The following SRGAP1 variants were observed in gnomAD, a reference collection of about 807,000 sequenced individuals.
The protein encoded by SRGAP1 is SLIT-ROBO Rho GTPase-activating protein 1.
Under a neutral mutation model 121.9 loss-of-function variants are expected in SRGAP1, and 43 were observed. The ratio of observed to expected loss-of-function variants is 0.35; its 90% CI spans 0.28 to 0.46. The LOEUF (loss-of-function observed/expected upper bound fraction) is 0.46. SRGAP1 is among the 20% of genes least tolerant of loss of function. The pLI is 1.00. For synonymous variants in SRGAP1, 447 were observed against 485.4 expected, an observed-to-expected ratio of 0.92 and a Z score of 1.04; for missense variants, 1,102 against 1,350.9, an observed-to-expected ratio of 0.82 and a Z score of 2.89.
chr12:64,082,384 A>C (rs1384188258), intron 10 of SRGAP1, among the ~76,000 whole-genome samples: 1 of 152,036 alleles, frequency 6.6e-6, no homozygotes, highest in Non-Finnish European at 1.5e-5. Flanking sequence ...CCACATGCCA[A>C]ATTCCGTCTT....
intron 1 of SRGAP1, among the ~76,000 whole-genome samples, chr12:63,936,308 G>A (rs959886606): frequency 1.3e-5 from 2 of 152,132 alleles, no homozygotes; most frequent in Admixed American, 6.5e-5. Context: ...GGTTATTACT[G>A]CATCAGAGAC....
At chr12:63,922,199 G>A (rs1412365536) in intron 1 of SRGAP1, among the ~76,000 whole-genome samples, 1 of 152,032 alleles carries the variant, frequency 6.6e-6, no homozygotes, top group Non-Finnish European at 1.5e-5. Flanking sequence ...GGCTGGTCTT[G>A]TAATCCTGAC....
Position 64,147,179 on chromosome 12 carries a change from A to G in SRGAP1, c.*4507A>G. ...ACTGAAGGGTAACTGCTGCCCGCGT[A>G]ATTAAATCAGTATTGTCCTTTCCTG... On this transcript the variant is annotated 3_prime_UTR_variant, in exon 22 of 22. Coordinates refer to ENST00000355086, the MANE Select transcript of SRGAP1 (RefSeq NM_020762.4). 3.8e-6 allele frequency: 1 copy of G among 263,172 alleles called. No homozygotes were observed. Among genetic ancestry groups the G allele is most frequent in the Non-Finnish European group, 7.1e-6 (1 of 140,020 alleles). 16.3% of individuals were successfully genotyped at this position (263,172 alleles called of 1,614,324 possible). A position where few individuals can be genotyped will look rare whatever the true frequency, so the allele number is the denominator to read the frequency against.
intron 1 of SRGAP1, chr12:63,871,812 A>T (rs1479558904): frequency 2.6e-5 from 35 of 1,365,656 alleles, no homozygotes; most frequent in Non-Finnish European, 3.3e-5. Context: ...GTTAATGGCC[A>T]GCATCCTCTT....
intron 18 of SRGAP1, among the ~76,000 whole-genome samples, chr12:64,121,721 C>G (rs945507517): frequency 1.8e-4 from 27 of 152,228 alleles, no homozygotes; most frequent in African/African-American, 6.5e-4. Flanking sequence ...CCAGCCATCT[C>G]TCTTCCCAAA....
chr12:64,072,754 G>A (rs949051868), intron 8 of SRGAP1, among the ~76,000 whole-genome samples: 16 of 152,198 alleles, frequency 1.1e-4, no homozygotes, highest in Admixed American at 9.8e-4. Flanking sequence ...TCAGTACCTG[G>A]TTTGCCTTAG....
chr12:64,051,782 C>G (rs1177783479), intron 6 of SRGAP1, among the ~76,000 whole-genome samples: 3 of 152,088 alleles, frequency 2.0e-5, no homozygotes, highest in Non-Finnish European at 4.4e-5. Flanking sequence ...CTCTCTGTCT[C>G]TCTCTCTTTT....
intron 16 of SRGAP1, among the ~76,000 whole-genome samples, chr12:64,110,403 T>C (rs985152811): frequency 1.3e-5 from 2 of 152,218 alleles, no homozygotes; most frequent in African/African-American, 2.4e-5. Context: ...GTTGCTGTTA[T>C]TGCTTCCAGT....
At position 64,147,298 on chromosome 12, in the gene SRGAP1, CCTTT is replaced by C. The variant is rs766062905; in HGVS notation, c.*4629_*4632del. 41 of 395,456 alleles carry C rather than the reference CCTTT, an allele frequency of 1.0e-4. No homozygotes were observed. The highest frequency in any genetic ancestry group is 6.3e-4 in the Middle Eastern group (1 of 1,584). The allele number at this position is 395,456 out of a possible 1,614,324, so 24.5% of individuals were successfully genotyped here. On this transcript the variant is annotated 3_prime_UTR_variant, in exon 22 of 22. Transcript: ENST00000355086. ...TCTGTAGTATGTACATGTGAAAGTG[CCTTT>C]CTATTTTAGAGGAGTTTTAGCCTTG...
In SRGAP1 at chr12:63,955,479, T is replaced by C. The variant is rs189516524; in HGVS notation, c.68-28468T>C. On this transcript the variant is annotated intron_variant, in intron 1 of 21. Coordinates refer to ENST00000355086, the MANE Select transcript of SRGAP1 (RefSeq NM_020762.4). ...TTTGTGGTCCTTCTTAAATACTTAATTTAGTTAGACTTAACTCCTCATGCC... is the reference window on the plus strand; with the variant it reads ...TTTGTGGTCCTTCTTAAATACTTAACTTAGTTAGACTTAACTCCTCATGCC... 4.1e-3 allele frequency among the ~76,000 whole-genome samples: 630 copies of C among 152,320 alleles called. 3 individuals carry two copies. The highest frequency in any genetic ancestry group is 6.9e-3 in the Non-Finnish European group (468 of 68,026).
At chr12:64,011,890 C>A (rs1243787223) in intron 3 of SRGAP1, among the ~76,000 whole-genome samples, 2 of 152,060 alleles carry the variant, frequency 1.3e-5, no homozygotes, top group Admixed American at 1.3e-4. Flanking sequence ...CCAAGGCAGG[C>A]AGATCACTTG....
intron 8 of SRGAP1, among the ~76,000 whole-genome samples, chr12:64,067,260 G>A (rs2035557981): frequency 6.6e-6 from 1 of 152,138 alleles, no homozygotes; most frequent in African/African-American, 2.4e-5. Context: ...AGAGAGTCAG[G>A]CAGTGCTTTG....
chr12:64,080,486 GT>G, intron 10 of SRGAP1, 116 bp downstream of exon 10: 1 of 923,188 alleles, frequency 1.1e-6, no homozygotes, highest in Non-Finnish European at 1.7e-6. Flanking sequence ...GACACTCTGT[GT>G]TTAGATTTGG....
At chr12:63,855,900 T>C (rs969197562) in intron 1 of SRGAP1, among the ~76,000 whole-genome samples, 6 of 152,218 alleles carry the variant, frequency 3.9e-5, no homozygotes, top group African/African-American at 1.4e-4. Context: ...GATGTTAGTC[T>C]CTTGCCAGTT....
intron 18 of SRGAP1, among the ~76,000 whole-genome samples, chr12:64,118,753 T>A (rs529737893): frequency 6.7e-6 from 1 of 149,266 alleles, no homozygotes; most frequent in South Asian, 2.1e-4. Flanking sequence ...AGATGGAGTC[T>A]GTCTGTCCTC....
chr12:64,118,643 C>CTGA (rs369561976), intron 18 of SRGAP1, among the ~76,000 whole-genome samples: 1,687 of 152,230 alleles, frequency 0.011, 37 homozygotes, highest in African/African-American at 0.039. Flanking sequence ...TTGCATTCTC[C>CTGA]TGATGATTAG....
intron 8 of SRGAP1, among the ~76,000 whole-genome samples, chr12:64,077,398 G>T (rs2136559766): frequency 6.6e-6 from 1 of 151,390 alleles, no homozygotes; most frequent in African/African-American, 2.4e-5. Flanking sequence ...ATCAAAGAAT[G>T]TAATAAATAC....
chr12:63,890,892 TTA>T (rs1473470515), intron 1 of SRGAP1, among the ~76,000 whole-genome samples: 1 of 152,200 alleles, frequency 6.6e-6, no homozygotes, highest in Non-Finnish European at 1.5e-5. Context: ...CTTCAAAACT[TTA>T]TGTTTCCACC....
Position 63,883,938 on chromosome 12 carries a change from G to A in SRGAP1, c.67+39055G>A, listed in dbSNP as rs146732821. Among the ~76,000 whole-genome samples the A allele has an allele frequency of 4.4e-3, 666 of 151,258 alleles. 2 individuals carry two copies. Among genetic ancestry groups the A allele is most frequent in the African/African-American group, 0.015 (626 of 41,336 alleles). On this transcript the variant is annotated intron_variant, in intron 1 of 21. Transcript: ENST00000355086. ...CTCACAAAGTGCTGGGATTACAGGC[G>A]TGAGCCACCGTGCCCGGCCAAGGGA...
Sources: gnomAD v4.1 joint callset for allele counts (sites outside exome capture counted in the v4.1 genomes callset) on GRCh38, gnomAD v4.1.1 for gene constraint, MANE v1.5 for transcripts, NCBI Gene and HGNC (gene_info 2026-07-23, HGNC 2026-07-21) for gene names.